SBF2: variants seen among roughly 807,000 people sequenced by gnomAD.
The protein encoded by SBF2 is SET binding factor 2.
In SBF2, 112 loss-of-function variants were observed where a neutral mutation model predicts 225.2. That is an observed-to-expected ratio of 0.50 (90% CI 0.43 to 0.58). The LOEUF is 0.58. Ranked by LOEUF, SBF2 falls within the 20% of genes least tolerant of loss-of-function variation. The probability of loss-of-function intolerance (pLI) is 0.00; values close to 1 mark genes in which losing one functional copy is unlikely to be tolerated. For missense variants in SBF2, 1,996 were observed against 2,206.2 expected (o/e 0.90, Z 1.91); for synonymous variants, 763 against 773.3 (o/e 0.99, Z 0.22).
chr11:9,959,387 C>T, intron 16 of SBF2: 1 of 814,502 alleles, frequency 1.2e-6, no homozygotes, highest in Non-Finnish European at 2.2e-6. Context: ...CCCGTCTGTC[C>T]CCATGAGATT....
intron 2 of SBF2, among the ~76,000 whole-genome samples, chr11:10,076,972 G>C (rs1458510037): frequency 6.6e-6 from 1 of 152,096 alleles, no homozygotes. Context: ...CCACAGCCTA[G>C]TCCATCACCT....
intron 2 of SBF2, among the ~76,000 whole-genome samples, chr11:10,071,263 C>CT (rs774979361): frequency 0.11 from 13,267 of 123,934 alleles, 1,271 homozygotes; most frequent in East Asian, 0.38. Context: ...TTCTCTCTCT[C>CT]TCTTTTTTTT....
intron 16 of SBF2, among the ~76,000 whole-genome samples, chr11:9,939,339 G>A (rs1005208757): frequency 1.1e-4 from 16 of 150,706 alleles, no homozygotes; most frequent in South Asian, 2.1e-4. Context: ...CTTGTGATCC[G>A]CCCACCTTAG....
intron 2 of SBF2, among the ~76,000 whole-genome samples, chr11:10,080,741 T>C (rs1180347056): frequency 6.6e-6 from 1 of 152,064 alleles, no homozygotes; most frequent in Non-Finnish European, 1.5e-5. Context: ...TAAAGACATG[T>C]ACAGACTGAA....
At chr11:10,117,364 C>G (rs575167813) in intron 2 of SBF2, among the ~76,000 whole-genome samples, 2 of 150,392 alleles carry the variant, frequency 1.3e-5, no homozygotes, top group Admixed American at 6.7e-5. Context: ...CTGCTTGAAC[C>G]CAGGAGGTGG....
intron 2 of SBF2, among the ~76,000 whole-genome samples, chr11:10,103,385 T>C (rs1952398148): frequency 6.6e-6 from 1 of 152,208 alleles, no homozygotes; most frequent in Non-Finnish European, 1.5e-5. Flanking sequence ...AAATGGTGTT[T>C]GGCTTTCTTT....
intron 6 of SBF2, among the ~76,000 whole-genome samples, chr11:10,008,251 A>G (rs1948287369): frequency 6.6e-6 from 1 of 152,200 alleles, no homozygotes; most frequent in African/African-American, 2.4e-5. Flanking sequence ...GCCCTCTTGA[A>G]AACCCCATCA....
intron 1 of SBF2, among the ~76,000 whole-genome samples, chr11:10,280,218 G>A (rs948157216): frequency 6.6e-6 from 1 of 151,982 alleles, no homozygotes; most frequent in Non-Finnish European, 1.5e-5. Context: ...GTATCTCCAA[G>A]ATTAACGAAA....
intron 5 of SBF2, 60 bp from the exon 6 acceptor site, chr11:10,028,617 T>G (rs1456153005): frequency 1.8e-6 from 2 of 1,089,370 alleles, no homozygotes; most frequent in Non-Finnish European, 2.8e-6. Context: ...TTTTAAAAAA[T>G]AAAAATACCT....
intron 1 of SBF2, among the ~76,000 whole-genome samples, chr11:10,239,526 A>C (rs995541968): frequency 6.7e-6 from 1 of 148,826 alleles, no homozygotes; most frequent in African/African-American, 2.4e-5. Context: ...ACCACAATAT[A>C]ATGGAGTAGG....
intron 2 of SBF2, among the ~76,000 whole-genome samples, chr11:10,158,119 A>T (rs2135197649): frequency 6.6e-6 from 1 of 151,148 alleles, no homozygotes; most frequent in African/African-American, 2.4e-5. Context: ...AAAGAGAAGT[A>T]AAAAAATATC....
intron 2 of SBF2, among the ~76,000 whole-genome samples, chr11:10,170,819 T>TC (rs143495436): frequency 0.2 from 30,194 of 147,728 alleles, 3,933 homozygotes; most frequent in Non-Finnish European, 0.3. Flanking sequence ...TCCTCCTCAG[T>TC]TTTTTTTTCA....
intron 17 of SBF2, among the ~76,000 whole-genome samples, chr11:9,867,283 T>C (rs1449615620): frequency 6.6e-6 from 1 of 151,886 alleles, no homozygotes; most frequent in Non-Finnish European, 1.5e-5. Context: ...AAATTACAAA[T>C]TAAAAAACAC....
chr11:10,292,456 T>A (rs1400965651), intron 1 of SBF2, among the ~76,000 whole-genome samples: 1 of 151,934 alleles, frequency 6.6e-6, no homozygotes, highest in East Asian at 1.9e-4. Context: ...CCGAGGCCGG[T>A]GGATCACGAG....
At chr11:10,245,572 A>G (rs1342728489) in intron 1 of SBF2, among the ~76,000 whole-genome samples, 5 of 152,188 alleles carry the variant, frequency 3.3e-5, no homozygotes, top group South Asian at 2.1e-4. Context: ...TGCAGCCACT[A>G]TAAGAAATTA....
chr11:9,872,834 TGC>T (rs2134055082), intron 17 of SBF2, among the ~76,000 whole-genome samples: 1 of 152,034 alleles, frequency 6.6e-6, no homozygotes, highest in East Asian at 1.9e-4. Context: ...TAATAATAAA[TGC>T]TAAGCCAAAT....
At chr11:9,974,735 G>A (rs926353805) in intron 13 of SBF2, among the ~76,000 whole-genome samples, 6 of 150,686 alleles carry the variant, frequency 4.0e-5, no homozygotes, top group East Asian at 1.9e-4. Flanking sequence ...TTGCGAGGCC[G>A]AGGCGGGTGG....
In SBF2 at chr11:9,846,883, A is replaced by G; in HGVS notation, c.2934+73T>C. 2 of 1,540,618 alleles carry G rather than the reference A, an allele frequency of 1.3e-6. 1 individual carries two copies. The highest frequency in any genetic ancestry group is 2.2e-5 in the South Asian group (2 of 89,376). ...TCTTAACTTCTGAGCACATGACCAC[A>G]CAAAATGGCCATAATATCATTTGAC... On this transcript the variant is annotated intron_variant, in intron 23 of 39. Coordinates refer to ENST00000256190, the MANE Select transcript of SBF2 (RefSeq NM_030962.4).
intron 1 of SBF2, among the ~76,000 whole-genome samples, chr11:10,210,571 G>T (rs1307575415): frequency 1.3e-5 from 2 of 152,070 alleles, no homozygotes; most frequent in Non-Finnish European, 2.9e-5. Context: ...ATAGTATTAG[G>T]AGACAACTGG....
Sources: allele counts gnomAD v4.1 joint callset (sites outside exome capture counted in the v4.1 genomes callset), GRCh38; gene constraint gnomAD v4.1.1; transcripts MANE v1.5; gene names NCBI Gene and HGNC (gene_info 2026-07-23, HGNC 2026-07-21).